Variants in FOXO3 observed in about 807,000 individuals in gnomAD.
The protein encoded by FOXO3 is forkhead box O3, also known as forkhead box protein O3.
A neutral mutation model predicts 41.9 loss-of-function variants in FOXO3; 4 were observed. The ratio of observed to expected loss-of-function variants is 0.10; its 90% CI spans 0.05 to 0.22. The LOEUF (loss-of-function observed/expected upper bound fraction) is 0.22. FOXO3 is among the 10% of genes least tolerant of loss of function. FOXO3 has a pLI of 1.00. For synonymous variants in FOXO3, 318 were observed against 389.3 expected (o/e 0.82, Z 2.16); for missense variants, 534 against 906.8 (o/e 0.59, Z 5.28).
intron 1 of FOXO3, chr6:108,618,397 A>T: frequency 2.0e-6 from 1 of 498,306 alleles, no homozygotes; most frequent in Non-Finnish European, 3.7e-6. Flanking sequence ...CAGCAGCAGC[A>T]GATGAAGGAG....
intron 1 of FOXO3, among the ~76,000 whole-genome samples, chr6:108,621,345 G>A (rs1299367335): frequency 6.6e-6 from 1 of 152,130 alleles, no homozygotes; most frequent in East Asian, 1.9e-4. Context: ...TGCCTGCTGT[G>A]TGAGTCTCAA....
chr6:108,658,027 G>T (rs564797674), intron 1 of FOXO3, among the ~76,000 whole-genome samples: 1 of 152,112 alleles, frequency 6.6e-6, no homozygotes, highest in African/African-American at 2.4e-5. Flanking sequence ...TTTCTTCTGC[G>T]GGGCTGACTG....
chr6:108,602,698 T>A (rs1285666189), intron 1 of FOXO3, among the ~76,000 whole-genome samples: 2 of 152,234 alleles, frequency 1.3e-5, no homozygotes, highest in Admixed American at 1.3e-4. Flanking sequence ...GTTATTTTTT[T>A]ATAATAGATG....
intron 1 of FOXO3, among the ~76,000 whole-genome samples, chr6:108,580,115 C>G (rs945673232): frequency 1.3e-5 from 2 of 150,692 alleles, no homozygotes; most frequent in Admixed American, 6.6e-5. Context: ...CTAAAAGCTA[C>G]GGTTAATTGA....
chr6:108,678,787 G>C (rs958647799), intron 2 of FOXO3, among the ~76,000 whole-genome samples: 1 of 151,582 alleles, frequency 6.6e-6, no homozygotes, highest in Non-Finnish European at 1.5e-5. Flanking sequence ...TAGCTACTCA[G>C]GAGGCTGAGA....
rs1164882721 is a variant in FOXO3 at position 108,681,562 on chromosome 6, T to C, written c.*1770T>C. ...GTGGTGATCACAGCTCCTAGCATAA[T>C]GAGAGTTCCATTTGGTATTGTCACA... On this transcript the variant is annotated 3_prime_UTR_variant, in exon 3 of 3. Coordinates refer to ENST00000406360, the MANE Select transcript of FOXO3 (RefSeq NM_001455.4). The C allele has an allele frequency of 6.6e-6, 1 of 151,614 alleles. No individual in the cohort carries two copies. Among genetic ancestry groups the C allele is most frequent in the Non-Finnish European group, 1.5e-5 (1 of 67,856 alleles). 9.4% of individuals were successfully genotyped at this position (151,614 alleles called of 1,614,324 possible). A position where few individuals can be genotyped will look rare whatever the true frequency, so the allele number is the denominator to read the frequency against.
intron 1 of FOXO3, among the ~76,000 whole-genome samples, chr6:108,562,749 CGG>C (rs1775849948): frequency 6.6e-6 from 1 of 152,120 alleles, no homozygotes. Context: ...TCTTGGGGCA[CGG>C]GACACGTGGT....
intron 1 of FOXO3, among the ~76,000 whole-genome samples, chr6:108,635,513 C>G (rs1778097934): frequency 6.6e-6 from 1 of 152,124 alleles, no homozygotes; most frequent in African/African-American, 2.4e-5. Flanking sequence ...TTGTTATATT[C>G]TGTGTAATTT....
At chr6:108,571,556 C>T (rs1241970106) in intron 1 of FOXO3, among the ~76,000 whole-genome samples, 1 of 152,150 alleles carries the variant, frequency 6.6e-6, no homozygotes, top group Non-Finnish European at 1.5e-5. Flanking sequence ...GGAGAAAATA[C>T]ATAGAGACCC....
At chr6:108,659,758 C>T (rs1311084544) in intron 1 of FOXO3, among the ~76,000 whole-genome samples, 1 of 152,112 alleles carries the variant, frequency 6.6e-6, no homozygotes, top group Non-Finnish European at 1.5e-5. Flanking sequence ...TTACCACATG[C>T]CCTTGTAGAA....
rs181793521 is a variant in FOXO3 at position 108,633,938 on chromosome 6, T to C, written c.622-29517T>C. ...CTCAGTTACCCAGATTTATATCACA[T>C]ACTTGCTAGCAGAGTTTTGATTGCC... On this transcript the variant is annotated intron_variant, in intron 1 of 2. Transcript: ENST00000406360. Among the ~76,000 whole-genome samples the C allele has an allele frequency of 3.3e-5, 5 of 152,270 alleles. No homozygotes were observed. The East Asian group carries it at 9.7e-4, about 29-fold the overall frequency.
chr6:108,663,832 G>A lies in FOXO3; in HGVS notation c.999G>A (p.Leu333=). The A allele has an allele frequency of 6.2e-7, 1 of 1,613,900 alleles. No individual in the cohort carries two copies. Among genetic ancestry groups the A allele is most frequent in the Non-Finnish European group, 8.5e-7 (1 of 1,179,800 alleles). Residue 333 remains leucine, a synonymous_variant, in exon 2 of 3, where the codon TTG becomes TTA. Transcript: ENST00000406360. The part of the protein sequence containing the change: ...RLSPIMASTE[L]DEVQDDDAPL... ...CGCCCATCATGGCAAGCACAGAGTT[G>A]GATGAAGTCCAGGACGATGATGCGC...
intron 1 of FOXO3, among the ~76,000 whole-genome samples, chr6:108,622,541 ATTTGT>A (rs1026516660): frequency 1.3e-5 from 2 of 151,546 alleles, no homozygotes; most frequent in Non-Finnish European, 2.9e-5. Context: ...GTTTTGTTTT[ATTTGT>A]TTTGTTTTGT....
intron 1 of FOXO3, among the ~76,000 whole-genome samples, chr6:108,586,936 ATATTATTATTAT>A (rs143546022): frequency 0.035 from 4,672 of 133,556 alleles, 147 homozygotes; most frequent in African/African-American, 0.082. Context: ...CTGAACGTAA[ATATTATTATTAT>A]TATTATTATT....
Position 108,561,572 on chromosome 6 carries a change from G to A in FOXO3, c.364G>A (p.Gly122Ser), listed in dbSNP as rs746748440. The change falls in exon 1 of 3, where the codon GGT becomes AGT. Residue 122 changes from glycine (G) to serine (S), a missense_variant. Gly to Ser is a moderately conservative substitution (Grantham distance 56). Around this residue, in one of 8 missense-constraint regions of FOXO3, gnomAD observed 139 missense variants for 163.7 expected, o/e 0.85. Transcript: ENST00000406360. ...PATAAGGLSG[G>S]TQALLQPQQP... ...CACCGCGGCGGGCGGGCTGAGCGGGGGTACACAGGCGCTGCTGCAGCCTCA... is the reference window on the plus strand; with the variant it reads ...CACCGCGGCGGGCGGGCTGAGCGGGAGTACACAGGCGCTGCTGCAGCCTCA... 2.7e-6 allele frequency: 4 copies of A among 1,471,790 alleles called. No individual in the cohort carries two copies. Among genetic ancestry groups the A allele is most frequent in the Non-Finnish European group, 3.6e-6 (4 of 1,116,272 alleles). The allele number at this position is 1,471,790 out of a possible 1,614,324, so 91.2% of individuals were successfully genotyped here. A position where few individuals can be genotyped will look rare whatever the true frequency, so the allele number is the denominator to read the frequency against.
chr6:108,577,250 T>G (rs960046944), intron 1 of FOXO3, among the ~76,000 whole-genome samples: 52 of 152,332 alleles, frequency 3.4e-4, no homozygotes, highest in African/African-American at 1.2e-3. Context: ...GCATGTTCTT[T>G]GGACTGTTAC....
chr6:108,641,268 A>G (rs980535440), intron 1 of FOXO3, among the ~76,000 whole-genome samples: 2 of 152,200 alleles, frequency 1.3e-5, no homozygotes, highest in East Asian at 1.9e-4. Context: ...TTTTCTTACT[A>G]TGCCTTTAAA....
At chr6:108,630,546 T>G (rs964385698) in intron 1 of FOXO3, among the ~76,000 whole-genome samples, 3 of 152,148 alleles carry the variant, frequency 2.0e-5, no homozygotes, top group Non-Finnish European at 2.9e-5. Context: ...TGATATCACC[T>G]GAACTTTTGT....
At chr6:108,578,954 T>C (rs1460443663) in intron 1 of FOXO3, among the ~76,000 whole-genome samples, 5 of 152,182 alleles carry the variant, frequency 3.3e-5, no homozygotes, top group African/African-American at 1.2e-4. Flanking sequence ...CTTGTCAGTA[T>C]CATTGGACTC....
Sources: gnomAD v4.1 joint callset for allele counts (sites outside exome capture counted in the v4.1 genomes callset) on GRCh38, gnomAD v4.1.1 for gene constraint, gnomAD v4.1.1 regional missense constraint, MANE v1.5 for transcripts, NCBI Gene and HGNC (gene_info 2026-07-23, HGNC 2026-07-21) for gene names.